Variants in THSD7B observed in about 807,000 individuals in gnomAD.
THSD7B encodes thrombospondin type 1 domain containing 7B, also known as thrombospondin type-1 domain-containing protein 7B.
Under a neutral mutation model 213.6 loss-of-function variants are expected in THSD7B, and 138 were observed. That is an observed-to-expected ratio of 0.65 (90% CI 0.56 to 0.74). The LOEUF (loss-of-function observed/expected upper bound fraction) is 0.74, where lower values mean the gene tolerates loss of function less well. Among genes scored for constraint, THSD7B ranks in the 30% least tolerant of loss-of-function variants. THSD7B has a pLI of 0.00. For synonymous variants in THSD7B, 742 were observed against 687.0 expected (o/e 1.08, Z -1.25); for missense variants, 1,931 against 1,991.5 (o/e 0.97, Z 0.58).
intron 12 of THSD7B, among the ~76,000 whole-genome samples, chr2:137,328,065 T>C (rs1037753075): frequency 6.6e-6 from 1 of 152,242 alleles, no homozygotes; most frequent in Non-Finnish European, 1.5e-5. Flanking sequence ...TTACAAGTAA[T>C]TGGCATTTTT....
In THSD7B at chr2:136,897,610, AC is replaced by A. The variant is rs534000725; in HGVS notation, c.139+15296del. On this transcript the variant is annotated intron_variant, in intron 2 of 27. Coordinates refer to ENST00000409968, the MANE Select transcript of THSD7B (RefSeq NM_001316349.2). ...CAAAGCTTCCACAGTGTGGAAGGGG[AC>A]CCAAGCAGGTTGCCGCTGCGGGCTC... is the stretch of plus-strand genomic sequence containing the variant. Among the ~76,000 whole-genome samples, 33 of 152,298 alleles carry A rather than the reference AC, an allele frequency of 2.2e-4. 1 individual carries two copies. Among genetic ancestry groups the A allele is most frequent in the African/African-American group, 7.9e-4 (33 of 41,566 alleles).
At chr2:137,282,531 G>A (rs1274587506) in intron 12 of THSD7B, among the ~76,000 whole-genome samples, 1 of 152,064 alleles carries the variant, frequency 6.6e-6, no homozygotes, top group African/African-American at 2.4e-5. Context: ...AGTTTTTATG[G>A]TTTTAGGTCT....
At chr2:137,283,646 G>A (rs865883889) in intron 12 of THSD7B, among the ~76,000 whole-genome samples, 16 of 152,096 alleles carry the variant, frequency 1.1e-4, no homozygotes, top group Non-Finnish European at 2.2e-4. Context: ...TTCTGCATCT[G>A]TTGAGATAAT....
chr2:137,648,429 A>T (rs1028733811), intron 21 of THSD7B, among the ~76,000 whole-genome samples: 1 of 151,898 alleles, frequency 6.6e-6, no homozygotes, highest in African/African-American at 2.4e-5. Flanking sequence ...TTAACTCTCT[A>T]TCTTTGTGAG....
At chr2:136,800,772 CAGAGAG>C (rs146528799) in intron 1 of THSD7B, among the ~76,000 whole-genome samples, 13 of 146,848 alleles carry the variant, frequency 8.9e-5, no homozygotes, top group East Asian at 6.0e-4. Context: ...AATGGTAAGG[CAGAGAG>C]AGAGAGAGAG....
At chr2:137,340,163 TC>T (rs1684729420) in intron 12 of THSD7B, among the ~76,000 whole-genome samples, 1 of 151,854 alleles carries the variant, frequency 6.6e-6, no homozygotes, top group African/African-American at 2.4e-5. Context: ...TCCCACACTT[TC>T]CTTTAATCAA....
intron 12 of THSD7B, among the ~76,000 whole-genome samples, chr2:137,368,480 TTC>T (rs1685470942): frequency 6.6e-6 from 1 of 152,134 alleles, no homozygotes; most frequent in African/African-American, 2.4e-5. Context: ...AATTCTGGCT[TTC>T]TCAGCTAGCT....
intron 15 of THSD7B, among the ~76,000 whole-genome samples, chr2:137,512,382 CTTTTTTTTTTTTTT>C (rs70978233): frequency 1.2e-5 from 1 of 81,380 alleles, no homozygotes; most frequent in African/African-American, 6.3e-5. Flanking sequence ...CATTTATTTC[CTTTTTTTTTTTTTT>C]TTTTTTTTTT....
chr2:137,611,490 A>G (rs1682288617), intron 17 of THSD7B, among the ~76,000 whole-genome samples: 1 of 152,126 alleles, frequency 6.6e-6, no homozygotes, highest in African/African-American at 2.4e-5. Flanking sequence ...CATCAGTAAA[A>G]TGGGAATAAT....
At chr2:137,257,367 A>C (rs1275240829) in intron 10 of THSD7B, among the ~76,000 whole-genome samples, 2 of 152,202 alleles carry the variant, frequency 1.3e-5, no homozygotes, top group Non-Finnish European at 2.9e-5. Context: ...TTTAATAGAA[A>C]CAGTAGTAAG....
At chr2:137,554,187 C>T (rs868834118) in intron 15 of THSD7B, among the ~76,000 whole-genome samples, 8 of 152,276 alleles carry the variant, frequency 5.3e-5, no homozygotes, top group Non-Finnish European at 7.4e-5. Context: ...TTACTCATTT[C>T]ATGGAGTGGG....
intron 15 of THSD7B, among the ~76,000 whole-genome samples, chr2:137,523,908 A>G (rs1208092853): frequency 6.6e-6 from 1 of 152,192 alleles, no homozygotes; most frequent in Non-Finnish European, 1.5e-5. Flanking sequence ...TTCTGAACAA[A>G]TAGGTCCTCA....
At chr2:137,290,700 G>A (rs535490335) in intron 12 of THSD7B, among the ~76,000 whole-genome samples, 7 of 152,200 alleles carry the variant, frequency 4.6e-5, no homozygotes, top group Admixed American at 3.9e-4. Flanking sequence ...AATCACCTTA[G>A]AGACAATATA....
intron 17 of THSD7B, among the ~76,000 whole-genome samples, chr2:137,603,490 A>T (rs868281419): frequency 6.6e-6 from 1 of 152,180 alleles, no homozygotes; most frequent in Non-Finnish European, 1.5e-5. Flanking sequence ...GGAAGGTCTT[A>T]GTCACCCATA....
chr2:136,879,179 T>G (rs1411464613), intron 1 of THSD7B, among the ~76,000 whole-genome samples: 1 of 152,198 alleles, frequency 6.6e-6, no homozygotes, highest in Non-Finnish European at 1.5e-5. Context: ...AGGGAATCCT[T>G]TCCCCATTTC....
intron 2 of THSD7B, among the ~76,000 whole-genome samples, chr2:136,926,248 C>T (rs1684520208): frequency 6.6e-6 from 1 of 152,108 alleles, no homozygotes; most frequent in African/African-American, 2.4e-5. Context: ...CCTGTACTAT[C>T]CCTTCTTGAT....
intron 1 of THSD7B, among the ~76,000 whole-genome samples, chr2:136,803,157 A>C (rs745483708): frequency 6.6e-6 from 1 of 152,100 alleles, no homozygotes; most frequent in South Asian, 2.1e-4. Context: ...ATACACCCAC[A>C]CACACACACA....
chr2:137,656,839 A>G lies in THSD7B; in HGVS notation c.4149A>G (p.Glu1383=). The G allele has an allele frequency of 6.2e-7, 1 of 1,613,978 alleles. No homozygotes were observed. Among genetic ancestry groups the G allele is most frequent in the Admixed American group, 1.7e-5 (1 of 60,024 alleles). Residue 1383 remains glutamate (E), a synonymous_variant, in exon 23 of 28, where the codon GAA becomes GAG. Coordinates refer to ENST00000409968, the MANE Select transcript of THSD7B (RefSeq NM_001316349.2). ...AATGGTCAGAGTGGAGCACATGTGA[A>G]TTAACCTGCATTGATGGAAGAAGCT... ...LTEWSEWSTC[E]LTCIDGRSFE... is the part of the protein sequence containing the mutation.
intron 15 of THSD7B, among the ~76,000 whole-genome samples, chr2:137,487,441 A>C (rs1469848377): frequency 6.7e-6 from 1 of 148,190 alleles, no homozygotes; most frequent in Non-Finnish European, 1.5e-5. Context: ...AAGCTAGCAG[A>C]AGGCAAGAAA....
Sources: allele counts gnomAD v4.1 joint callset (sites outside exome capture counted in the v4.1 genomes callset), GRCh38; gene constraint gnomAD v4.1.1; transcripts MANE v1.5; gene names NCBI Gene and HGNC (gene_info 2026-07-23, HGNC 2026-07-21).